Variants in EPC2 observed in about 807,000 individuals in gnomAD.
EPC2 encodes the protein enhancer of polycomb 2, also known as enhancer of polycomb homolog 2.
In EPC2, 14 loss-of-function variants were observed where a neutral mutation model predicts 92.1. The ratio of observed to expected loss-of-function variants is 0.15; its 90% CI spans 0.10 to 0.24. The LOEUF (loss-of-function observed/expected upper bound fraction) is 0.24. Ranked by LOEUF, EPC2 falls within the 10% of genes least tolerant of loss-of-function variation. EPC2 has a pLI of 1.00. For missense variants in EPC2, 755 were observed against 971.5 expected (o/e 0.78, Z 2.96); for synonymous variants, 340 against 334.7 (o/e 1.02, Z -0.17).
rs1558830357 is a variant in EPC2, at chr2:148,754,144, A to C, written c.666+11A>C. On this transcript the variant is annotated intron_variant, in intron 4 of 13. Coordinates refer to ENST00000258484, the MANE Select transcript of EPC2 (RefSeq NM_015630.4). Reference sequence around the variant, plus strand: ...ATGCAAACTCGAAAGGTAATGTGCAAATTAGGTTTCATTGAAGGTAGCTTA... The same window carrying C: ...ATGCAAACTCGAAAGGTAATGTGCACATTAGGTTTCATTGAAGGTAGCTTA... The C allele has an allele frequency of 6.4e-7, 1 of 1,572,464 alleles. No homozygotes were observed. Among genetic ancestry groups the C allele is most frequent in the Admixed American group, 1.9e-5 (1 of 53,080 alleles).
At chr2:148,733,594 C>T (rs534281392) in intron 2 of EPC2, among the ~76,000 whole-genome samples, 20 of 147,624 alleles carry the variant, frequency 1.4e-4, no homozygotes, top group Non-Finnish European at 2.2e-4. Flanking sequence ...AGCTCCTGGG[C>T]TCCAGCCATC....
At chr2:148,709,210 CAG>C (rs1416419819) in intron 2 of EPC2, among the ~76,000 whole-genome samples, 1 of 152,274 alleles carries the variant, frequency 6.6e-6, no homozygotes, top group East Asian at 1.9e-4. Context: ...AACAGACAAA[CAG>C]AGGCCAAATC....
intron 2 of EPC2, among the ~76,000 whole-genome samples, chr2:148,715,347 T>C (rs1402763610): frequency 6.6e-6 from 1 of 152,214 alleles, no homozygotes; most frequent in East Asian, 1.9e-4. Context: ...CTAGCGTTTT[T>C]ATAGTTTTGG....
intron 3 of EPC2, among the ~76,000 whole-genome samples, chr2:148,751,620 T>TG (rs1162867182): frequency 1.3e-5 from 2 of 152,236 alleles, no homozygotes; most frequent in African/African-American, 4.8e-5. Flanking sequence ...GGACTACAGT[T>TG]GCATGCCACT....
At chr2:148,698,585 G>A (rs556090227) in intron 2 of EPC2, among the ~76,000 whole-genome samples, 13 of 133,990 alleles carry the variant, frequency 9.7e-5, no homozygotes, top group Admixed American at 7.7e-4. Context: ...TCAGTGAGCC[G>A]AGATCGTGCC....
chr2:148,646,483 A>G (rs776382904), intron 1 of EPC2, among the ~76,000 whole-genome samples: 1 of 152,172 alleles, frequency 6.6e-6, no homozygotes, highest in Non-Finnish European at 1.5e-5. Flanking sequence ...AGATATATAT[A>G]CACGCACATA....
chr2:148,655,587 T>C (rs1345588976), intron 1 of EPC2, among the ~76,000 whole-genome samples: 2 of 152,190 alleles, frequency 1.3e-5, no homozygotes, highest in African/African-American at 2.4e-5. Flanking sequence ...TGTGGTCTGT[T>C]GTCTACATTA....
At chr2:148,728,992 A>T (rs186026337) in intron 2 of EPC2, among the ~76,000 whole-genome samples, 80 of 133,064 alleles carry the variant, frequency 6.0e-4, no homozygotes, top group Middle Eastern at 5.0e-3. Context: ...AGATCGCGCC[A>T]CTGTACTCCA....
chr2:148,742,099 G>C (rs574263391), intron 2 of EPC2, among the ~76,000 whole-genome samples: 1 of 152,146 alleles, frequency 6.6e-6, no homozygotes, highest in East Asian at 1.9e-4. Context: ...TATATTCCAT[G>C]TATGTGTAAA....
chr2:148,650,680 T>C (rs1680664514), intron 1 of EPC2, among the ~76,000 whole-genome samples: 1 of 152,182 alleles, frequency 6.6e-6, no homozygotes, highest in Non-Finnish European at 1.5e-5. Context: ...AGTAGGAATA[T>C]AATCCTGATT....
intron 10 of EPC2, among the ~76,000 whole-genome samples, chr2:148,780,348 A>G (rs941713627): frequency 4.5e-4 from 69 of 152,074 alleles, no homozygotes; most frequent in African/African-American, 1.5e-3. Context: ...CTGGGGCATA[A>G]CTCCTTTTTC....
intron 10 of EPC2, among the ~76,000 whole-genome samples, chr2:148,776,036 C>T (rs1683637191): frequency 6.6e-6 from 1 of 152,008 alleles, no homozygotes; most frequent in Non-Finnish European, 1.5e-5. Flanking sequence ...CCGCCTTGGC[C>T]TCCCAAAGTG....
At chr2:148,658,775 C>T (rs968696505) in intron 1 of EPC2, among the ~76,000 whole-genome samples, 1 of 151,606 alleles carries the variant, frequency 6.6e-6, no homozygotes, top group Admixed American at 6.6e-5. Context: ...TTATATATTA[C>T]TTACTACTTA....
chr2:148,762,542 T>C (rs753951165), intron 5 of EPC2, 128 bp from the exon 6 acceptor site: 16 of 697,586 alleles, frequency 2.3e-5, no homozygotes, highest in Non-Finnish European at 3.5e-5. Flanking sequence ...AAATTTTATC[T>C]TTTAAAAGTA....
At chr2:148,659,786 G>A (rs535301819) in intron 1 of EPC2, among the ~76,000 whole-genome samples, 4 of 152,062 alleles carry the variant, frequency 2.6e-5, no homozygotes, top group African/African-American at 7.2e-5. Context: ...AGAAACAGTG[G>A]CATAAATAAA....
chr2:148,736,786 C>A (rs1682765879), intron 2 of EPC2, among the ~76,000 whole-genome samples: 1 of 151,960 alleles, frequency 6.6e-6, no homozygotes, highest in African/African-American at 2.4e-5. Flanking sequence ...AACTCTTTCA[C>A]CAACAATATA....
chr2:148,713,135 C>T (rs770731930), intron 2 of EPC2, among the ~76,000 whole-genome samples: 16 of 152,158 alleles, frequency 1.1e-4, no homozygotes, highest in Non-Finnish European at 2.2e-4. Flanking sequence ...GAATGTATTT[C>T]CTCTACTTAT....
intron 3 of EPC2, among the ~76,000 whole-genome samples, chr2:148,752,092 A>G (rs10497040): frequency 0.18 from 27,789 of 152,162 alleles, 3,263 homozygotes; most frequent in East Asian, 0.49. Flanking sequence ...CAGGAGCATA[A>G]GAAGCAATGT....
chr2:148,773,425 A>G (rs1277973874), intron 10 of EPC2, among the ~76,000 whole-genome samples: 4 of 152,146 alleles, frequency 2.6e-5, no homozygotes, highest in African/African-American at 9.6e-5. Flanking sequence ...ATTTTTTAAT[A>G]TCCTCAATAC....
Sources: gnomAD v4.1 joint callset for allele counts (sites outside exome capture counted in the v4.1 genomes callset) on GRCh38, gnomAD v4.1.1 for gene constraint, MANE v1.5 for transcripts, NCBI Gene and HGNC (gene_info 2026-07-23, HGNC 2026-07-21) for gene names.